SAC3D1: variants seen among roughly 807,000 people sequenced by gnomAD.
SAC3D1 encodes SAC3 domain containing 1.
Under a neutral mutation model 12.7 loss-of-function variants are expected in SAC3D1, and 10 were observed. That is an observed-to-expected ratio of 0.79 (90% CI 0.49 to 1.34). The LOEUF (loss-of-function observed/expected upper bound fraction) is 1.34, where lower values mean the gene tolerates loss of function less well. Among genes scored for constraint, SAC3D1 ranks in the 40% most tolerant of loss-of-function variants. SAC3D1 has a pLI of 0.00. For synonymous variants in SAC3D1, 241 were observed against 250.8 expected (o/e 0.96, Z 0.37); for missense variants, 482 against 531.1 (o/e 0.91, Z 0.91).
intron 1 of SAC3D1, 60 bp downstream of exon 1, chr11:65,041,926 G>A: frequency 6.1e-6 from 8 of 1,318,400 alleles, no homozygotes; most frequent in Non-Finnish European, 7.7e-6. Context: ...CATGACAGTG[G>A]AGGTAGGGAA....
chr11:65,041,171 C>T, upstream of SAC3D1: 8 of 969,834 alleles, frequency 8.2e-6, no homozygotes, highest in Non-Finnish European at 1.2e-5. Context: ...GAAGGCGGGC[C>T]CAGACAGGTT....
Position 65,041,398 on chromosome 11 carries a change from C to T in SAC3D1, c.106C>T (p.Pro36Ser), listed in dbSNP as rs1451045667. ...CCGCCTGCACCGCTTGGAGGTGGTG[C>T]CGGGTTGCCGCCAGGACCCGCCCCG... ...EHRLHRLEVV[P>S]GCRQDPPRAD... Residue 36 changes from proline to serine, a missense_variant, in exon 1 of 2, where the codon CCG becomes TCG. Pro to Ser is a moderately conservative substitution (Grantham distance 74). Coordinates refer to ENST00000652489, the MANE Select transcript of SAC3D1 (RefSeq NM_013299.4). 1 of 1,506,878 alleles carries T rather than the reference C, an allele frequency of 6.6e-7. No individual in the cohort carries two copies. Among genetic ancestry groups the T allele is most frequent in the Non-Finnish European group, 8.8e-7 (1 of 1,134,780 alleles). The allele number at this position is 1,506,878 out of a possible 1,614,324, so 93.3% of individuals were successfully genotyped here. A position where few individuals can be genotyped will look rare whatever the true frequency, so the allele number is the denominator to read the frequency against.
chr11:65,041,166 C>T (rs1946585222), upstream of SAC3D1: 3 of 920,358 alleles, frequency 3.3e-6, no homozygotes, highest in South Asian at 1.6e-5. Flanking sequence ...GGCGGGAAGG[C>T]GGGCCCAGAC....
In SAC3D1 at chr11:65,041,788, C is replaced by G; in HGVS notation, c.496C>G (p.Arg166Gly). 1 of 1,440,964 alleles carries G rather than the reference C, an allele frequency of 6.9e-7. No homozygotes were observed. The highest frequency in any genetic ancestry group is 9.1e-7 in the Non-Finnish European group (1 of 1,103,048). The allele number at this position is 1,440,964 out of a possible 1,614,324, so 89.3% of individuals were successfully genotyped here. A position where few individuals can be genotyped will look rare whatever the true frequency, so the allele number is the denominator to read the frequency against. ...GGTGCAGGAGGGCTTCGGCTCGCTGCGGCGCTGCTACGCGCGGGGCGCCGG... is the reference window on the plus strand; with the variant it reads ...GGTGCAGGAGGGCTTCGGCTCGCTGGGGCGCTGCTACGCGCGGGGCGCCGG... Reference protein sequence around the residue: ...AQVQEGFGSLRRCYARGAGPH... With the variant: ...AQVQEGFGSLGRCYARGAGPH... The change falls in exon 1 of 2, where the codon CGG (arginine) becomes GGG (glycine). Residue 166 changes from arginine (R) to glycine (G), a missense_variant. Transcript: ENST00000652489.
At chr11:65,042,279 A>G (rs759336756) in intron 1 of SAC3D1, among the ~76,000 whole-genome samples, 6 of 151,936 alleles carry the variant, frequency 3.9e-5, no homozygotes, top group Non-Finnish European at 7.4e-5. Context: ...TGTATTTAGT[A>G]GAGACGGGGG....
Position 65,043,615 on chromosome 11 carries a change from C to CAAAAAAAAA in SAC3D1, c.575-590_575-582dup. Among the ~76,000 whole-genome samples, 25 of 56,200 alleles carry CAAAAAAAAA rather than the reference C, an allele frequency of 4.4e-4. 1 individual carries two copies. The highest frequency in any genetic ancestry group is 6.9e-4 in the Non-Finnish European group (22 of 31,720). 36.9% of individuals were successfully genotyped at this position (56,200 alleles called of 152,430 possible). Reference sequence around the variant, plus strand: ...CCTGGGTGACAAAGCAAGTCTGTCTCAAAAAAAAAAAAAAAAAAAAAAAAA... The same window carrying CAAAAAAAAA: ...CCTGGGTGACAAAGCAAGTCTGTCTCAAAAAAAAAAAAAAAAAAAAAAAAAAAAAAAAAA... On this transcript the variant is annotated intron_variant, in intron 1 of 1. Transcript: ENST00000652489.
intron 1 of SAC3D1, among the ~76,000 whole-genome samples, chr11:65,043,995 G>T (rs879804075): frequency 3.8e-4 from 58 of 152,216 alleles, no homozygotes; most frequent in Non-Finnish European, 7.1e-4. Context: ...GCCCACTTCA[G>T]TGTTGTAAGT....
At position 65,042,051 on chromosome 11, in the gene SAC3D1, TAA is replaced by T. The variant is rs555836860; in HGVS notation, c.574+188_574+189del. 421 of 781,384 alleles carry T rather than the reference TAA, an allele frequency of 5.4e-4. 3 individuals carry two copies. The South Asian group carries it at 6.2e-3, about 12-fold the overall frequency. 48.4% of individuals were successfully genotyped at this position (781,384 alleles called of 1,614,324 possible). A position where few individuals can be genotyped will look rare whatever the true frequency, so the allele number is the denominator to read the frequency against. On this transcript the variant is annotated intron_variant, in intron 1 of 1. Transcript: ENST00000652489. ...CTCTGGGTCTTAGTTGTCTCAGGAA[TAA>T]AAGTGGAGGGGGCAAGGGTGGAAAG...
At position 65,042,702 on chromosome 11, in the gene SAC3D1, C is replaced by T. The variant is rs557969963; in HGVS notation, c.574+836C>T. On this transcript the variant is annotated intron_variant, in intron 1 of 1. Coordinates refer to ENST00000652489, the MANE Select transcript of SAC3D1 (RefSeq NM_013299.4). The stretch of plus-strand genomic sequence containing the variant: ...GACTACAGGCGTGCACCACCACACC[C>T]GGCTAGTGTTTGGATATTTAGTAGA... Among the ~76,000 whole-genome samples, 39 of 152,214 alleles carry T rather than the reference C, an allele frequency of 2.6e-4. 1 individual carries two copies. In the South Asian group the frequency reaches 7.5e-3, roughly 29 times the overall value.
Position 65,044,231 on chromosome 11 carries a change from T to A in SAC3D1, c.581T>A (p.Val194Glu), listed in dbSNP as rs1317177577. ...TGGCTTCCCGCTCTCACAGGCTCGG[T>A]GGAAGCCCTGCATGAGGTTCTACAG... ...GLFLLYNLGSVEALHEVLQLP... is the reference protein window; with the variant it reads ...GLFLLYNLGSEEALHEVLQLP... The change falls in exon 2 of 2, where the codon GTG becomes GAG. Residue 194 changes from valine (V) to glutamate (E), a missense_variant. Physicochemically the swap from Val to Glu is moderately radical, Grantham distance 121. Around this residue, in one of 3 missense-constraint regions of SAC3D1, gnomAD observed 225 missense variants for 241.1 expected, o/e 0.93. Transcript: ENST00000652489. This position sits in a 1 kb window ranked among gnomAD's most constrained non-coding sequence, Gnocchi z 4.0. The A allele has an allele frequency of 5.6e-6, 9 of 1,612,048 alleles. No homozygotes were observed. In the South Asian group the frequency reaches 8.8e-5, roughly 16 times the overall value.
Position 65,042,288 on chromosome 11 carries a change from G to A in SAC3D1, c.574+422G>A, listed in dbSNP as rs1946622707. Among the ~76,000 whole-genome samples the A allele has an allele frequency of 2.0e-5, 3 of 152,100 alleles. No individual in the cohort carries two copies. In the South Asian group the frequency reaches 6.2e-4, roughly 32 times the overall value. On this transcript the variant is annotated intron_variant, in intron 1 of 1. Coordinates refer to ENST00000652489, the MANE Select transcript of SAC3D1 (RefSeq NM_013299.4). Reference sequence around the variant, plus strand: ...AATTTTTGTATTTAGTAGAGACGGGGGTTTCACCATGTTGGTCAGGCTGGT... The same window carrying A: ...AATTTTTGTATTTAGTAGAGACGGGAGTTTCACCATGTTGGTCAGGCTGGT...
rs1346164268 is a variant in SAC3D1, at chr11:65,044,047, A to G, written c.575-178A>G. ...GGAAGTCAAGAGCCTGAGGCCACTC[A>G]TTCAAATATAGGTTGGGGAAGGAGC... On this transcript the variant is annotated intron_variant, in intron 1 of 1. Transcript: ENST00000652489. This position sits in a 1 kb window ranked among gnomAD's most constrained non-coding sequence, Gnocchi z 4.0. Among the ~76,000 whole-genome samples, 1 of 152,224 alleles carries G rather than the reference A, an allele frequency of 6.6e-6. No individual in the cohort carries two copies. Among genetic ancestry groups the G allele is most frequent in the African/African-American group, 2.4e-5 (1 of 41,466 alleles).
In SAC3D1 at chr11:65,044,516, A is replaced by G; in HGVS notation, c.866A>G (p.Glu289Gly). The G allele has an allele frequency of 6.2e-7, 1 of 1,614,210 alleles. No homozygotes were observed. ...VNLLALDGLR[E>G]ARDLCQAHGL... is the part of the protein sequence containing the mutation. ...CTCTTGGCCCTGGATGGACTCAGGG[A>G]AGCACGGGACCTGTGCCAGGCCCAC... is the stretch of plus-strand genomic sequence containing the variant. The change falls in exon 2 of 2, where the codon GAA becomes GGA. Residue 289 changes from glutamate (E) to glycine (G), a missense_variant. Physicochemically the swap from Glu to Gly is moderately conservative, Grantham distance 98 (BLOSUM62 -2). This residue lies in a region of SAC3D1 where 225 missense variants were observed against 241.1 expected (regional missense o/e 0.93). Transcript: ENST00000652489. The surrounding 1 kb of genome is among the most constrained non-coding windows in gnomAD (Gnocchi z 4.0).
At chr11:65,042,978 G>A (rs1212771753) in intron 1 of SAC3D1, 1 of 391,452 alleles carries the variant, frequency 2.6e-6, no homozygotes, top group Admixed American at 2.7e-5. Flanking sequence ...TGGGACCACA[G>A]ATGTATGCAA....
upstream of SAC3D1, chr11:65,041,159 G>A: frequency 1.1e-6 from 1 of 878,294 alleles, no homozygotes; most frequent in Middle Eastern, 3.3e-4. Context: ...GGATCATGGC[G>A]GGAAGGCGGG....
chr11:65,044,434 G>C lies in SAC3D1; in HGVS notation c.784G>C (p.Ala262Pro), dbSNP rs768572224. ...HARREALARF[A>P]RAFSTPKGQT... is the part of the protein sequence containing the mutation. ...CCGCCGGGAAGCCCTGGCCCGCTTC[G>C]CTCGTGCCTTTAGCACCCCCAAGGG... Residue 262 changes from alanine to proline, a missense_variant, in exon 2 of 2, where the codon GCT (alanine) becomes CCT (proline). Transcript: ENST00000652489. The surrounding 1 kb of genome is among the most constrained non-coding windows in gnomAD (Gnocchi z 4.0). 9.9e-6 allele frequency: 16 copies of C among 1,613,866 alleles called. No individual in the cohort carries two copies. The highest frequency in any genetic ancestry group is 1.3e-5 in the Non-Finnish European group (15 of 1,180,042).
In SAC3D1 at chr11:65,041,464, G is replaced by T. The variant is rs1039099086; in HGVS notation, c.172G>T (p.Ala58Ser). ...CGCGGTGAAGGAGTACAGCCGACCC[G>T]CCGCCGGCAAGCCCCGGCCCCCGCC... ...QRAVKEYSRP[A>S]AGKPRPPPSQ... Residue 58 changes from alanine (A) to serine (S), a missense_variant, in exon 1 of 2, where the codon GCC (alanine) becomes TCC (serine). Coordinates refer to ENST00000652489, the MANE Select transcript of SAC3D1 (RefSeq NM_013299.4). The T allele has an allele frequency of 2.0e-6, 3 of 1,482,034 alleles. No individual in the cohort carries two copies. The highest frequency in any genetic ancestry group is 2.9e-5 in the African/African-American group (2 of 68,372). 91.8% of individuals were successfully genotyped at this position (1,482,034 alleles called of 1,614,324 possible). A position where few individuals can be genotyped will look rare whatever the true frequency, so the allele number is the denominator to read the frequency against.
chr11:65,044,286 C>T lies in SAC3D1; in HGVS notation c.636C>T (p.Pro212=). The change falls in exon 2 of 2, where the codon CCC becomes CCT. Residue 212 remains proline, a synonymous_variant. Coordinates refer to ENST00000652489, the MANE Select transcript of SAC3D1 (RefSeq NM_013299.4). The surrounding 1 kb of genome is among the most constrained non-coding windows in gnomAD (Gnocchi z 4.0). The stretch of plus-strand genomic sequence containing the variant: ...CTGCTGCCCTGCGCGCCTGCCCGCC[C>T]CTCCGCAAGGCCTTGGCGGTAGATG... ...QLPAALRACP[P]LRKALAVDAA... is the part of the protein sequence containing the mutation. 2 of 1,613,324 alleles carry T rather than the reference C, an allele frequency of 1.2e-6. No homozygotes were observed. Among genetic ancestry groups the T allele is most frequent in the Non-Finnish European group, 1.7e-6 (2 of 1,180,030 alleles).
In SAC3D1 at chr11:65,041,886, G is replaced by A. The variant is rs1350451550; in HGVS notation, c.574+20G>A. ...ACCTGGGTGAGTCGGGATCCTGGCG[G>A]CTGGGCAGAGCGTGGGGACAGGAGC... On this transcript the variant is annotated intron_variant, in intron 1 of 1. Coordinates refer to ENST00000652489, the MANE Select transcript of SAC3D1 (RefSeq NM_013299.4). 2.1e-6 allele frequency: 3 copies of A among 1,413,296 alleles called. No individual in the cohort carries two copies. Among genetic ancestry groups the A allele is most frequent in the Non-Finnish European group, 2.7e-6 (3 of 1,091,084 alleles). The allele number at this position is 1,413,296 out of a possible 1,614,324, so 87.5% of individuals were successfully genotyped here. A position where few individuals can be genotyped will look rare whatever the true frequency, so the allele number is the denominator to read the frequency against.
Sources: gnomAD v4.1 joint callset for allele counts (sites outside exome capture counted in the v4.1 genomes callset) on GRCh38, gnomAD v4.1.1 for gene constraint, gnomAD v4.1.1 regional missense constraint, Gnocchi (gnomAD v3.1) non-coding constraint, MANE v1.5 for transcripts, NCBI Gene and HGNC (gene_info 2026-07-23, HGNC 2026-07-21) for gene names.